FSTL5: variants seen among roughly 807,000 people sequenced by gnomAD.
The protein encoded by FSTL5 is follistatin-related protein 5.
In FSTL5, 62 loss-of-function variants were observed where a neutral mutation model predicts 89.1. The observed-to-expected ratio is 0.70, with a 90% CI of 0.57 to 0.86. The LOEUF is 0.86. Ranked by LOEUF, FSTL5 falls within the 40% of genes least tolerant of loss-of-function variation. The pLI is 0.00. For synonymous variants in FSTL5, 383 were observed against 346.2 expected (o/e 1.11, Z -1.18); for missense variants, 1,057 against 1,001.6 (o/e 1.06, Z -0.75).
At chr4:161,462,383 G>A (rs551691045) in intron 13 of FSTL5, among the ~76,000 whole-genome samples, 8 of 152,036 alleles carry the variant, frequency 5.3e-5, no homozygotes, top group East Asian at 1.9e-4. Flanking sequence ...GAAAACCAAC[G>A]GGCTCAAATA....
chr4:161,842,810 C>T (rs1731254034), intron 4 of FSTL5, among the ~76,000 whole-genome samples: 1 of 152,016 alleles, frequency 6.6e-6, no homozygotes, highest in African/African-American at 2.4e-5. Context: ...AAAACATCAA[C>T]ATATTTTATA....
chr4:162,003,593 A>G, intron 3 of FSTL5, among the ~76,000 whole-genome samples: 1 of 152,198 alleles, frequency 6.6e-6, no homozygotes, highest in Non-Finnish European at 1.5e-5. Context: ...TTAGTGTTTT[A>G]CTCACAACGA....
rs192539530 is a variant in FSTL5 at position 161,686,095 on chromosome 4, G to T, written c.728-29601C>A. Among the ~76,000 whole-genome samples, 894 of 151,404 alleles carry T rather than the reference G, an allele frequency of 5.9e-3. 11 individuals are homozygous for T. Among genetic ancestry groups the T allele is most frequent in the South Asian group, 0.046 (222 of 4,790 alleles). ...ATGTGAAACCATCCCTGTATCCCTT[G>T]TATGAAACCCACTTGATCATGATGG... is the stretch of plus-strand genomic sequence containing the variant. On this transcript the variant is annotated intron_variant, in intron 6 of 15. Transcript: ENST00000306100.
chr4:161,607,015 A>G lies in FSTL5; in HGVS notation c.895-19440T>C, dbSNP rs935866459. 1.3e-5 allele frequency among the ~76,000 whole-genome samples: 2 copies of G among 152,188 alleles called. 1 individual carries two copies. Among genetic ancestry groups the G allele is most frequent in the Admixed American group, 1.3e-4 (2 of 15,286 alleles). On this transcript the variant is annotated intron_variant, in intron 7 of 15. Transcript: ENST00000306100. ...AGGAGAGGCTGCAAGGGTGAAATGA[A>G]ATGATTTGAAGATTATTCAGAAATG...
chr4:161,912,067 G>C (rs141071690), intron 4 of FSTL5, among the ~76,000 whole-genome samples: 2 of 152,014 alleles, frequency 1.3e-5, no homozygotes, highest in Admixed American at 6.6e-5. Flanking sequence ...AATTTTCAAC[G>C]GCATTTTCTA....
intron 7 of FSTL5, among the ~76,000 whole-genome samples, chr4:161,614,577 A>C (rs373365617): frequency 4.6e-5 from 7 of 152,184 alleles, no homozygotes; most frequent in East Asian, 3.9e-4. Flanking sequence ...TTCAAAAATT[A>C]AATGACTTCA....
chr4:161,697,685 C>T (rs915437529), intron 6 of FSTL5, among the ~76,000 whole-genome samples: 1 of 152,054 alleles, frequency 6.6e-6, no homozygotes, highest in Non-Finnish European at 1.5e-5. Context: ...AGAATGAAAT[C>T]CTGTCATTCG....
chr4:161,523,099 T>A (rs991381319), intron 10 of FSTL5, among the ~76,000 whole-genome samples: 1 of 152,124 alleles, frequency 6.6e-6, no homozygotes, highest in Admixed American at 6.5e-5. Context: ...TTTATAAACG[T>A]CTCTAATAGA....
intron 3 of FSTL5, among the ~76,000 whole-genome samples, chr4:161,992,009 G>A (rs1380231041): frequency 1.3e-5 from 2 of 152,164 alleles, no homozygotes; most frequent in Non-Finnish European, 2.9e-5. Flanking sequence ...GGCCACCTGC[G>A]GTGTTCCTGT....
At chr4:161,425,432 T>C (rs987063896) in intron 15 of FSTL5, among the ~76,000 whole-genome samples, 1 of 152,184 alleles carries the variant, frequency 6.6e-6, no homozygotes, top group African/African-American at 2.4e-5. Flanking sequence ...TTATAGAGCC[T>C]AGGATTTATT....
rs200143242 is a variant in FSTL5 at position 161,579,739 on chromosome 4, AAAAAAGAAAG to A, written c.1015+7706_1015+7715del. 1.2e-3 allele frequency among the ~76,000 whole-genome samples: 130 copies of A among 104,900 alleles called. 1 individual carries two copies. Among genetic ancestry groups the A allele is most frequent in the African/African-American group, 3.3e-4 (11 of 33,186 alleles). The allele number at this position is 104,900 out of a possible 152,430, so 68.8% of individuals were successfully genotyped here. A position where few individuals can be genotyped will look rare whatever the true frequency, so the allele number is the denominator to read the frequency against. On this transcript the variant is annotated intron_variant, in intron 8 of 15. Coordinates refer to ENST00000306100, the MANE Select transcript of FSTL5 (RefSeq NM_020116.5). ...CAAAAAACAAAAACAAACAAAAAAAAAAAAAGAAAGAAAAAGAAAAAAAGAAAAAAAAATG... is the reference window on the plus strand; with the variant it reads ...CAAAAAACAAAAACAAACAAAAAAAAAAAAAGAAAAAAAGAAAAAAAAATG...
At chr4:161,696,509 G>A (rs542203485) in intron 6 of FSTL5, among the ~76,000 whole-genome samples, 3 of 152,184 alleles carry the variant, frequency 2.0e-5, no homozygotes, top group African/African-American at 7.2e-5. Flanking sequence ...ATTTTGATGG[G>A]AATTGCATTA....
intron 8 of FSTL5, among the ~76,000 whole-genome samples, chr4:161,564,445 T>G (rs1732728465): frequency 6.6e-6 from 1 of 150,910 alleles, no homozygotes; most frequent in Non-Finnish European, 1.5e-5. Context: ...TACCATATGT[T>G]TTGCTAAAAT....
Position 161,385,539 on chromosome 4 carries a change from T to G in FSTL5, c.*208A>C, listed in dbSNP as rs1022512254. The G allele has an allele frequency of 2.1e-6, 1 of 482,966 alleles. No individual in the cohort carries two copies. The highest frequency in any genetic ancestry group is 3.2e-5 in the East Asian group (1 of 31,150). The allele number at this position is 482,966 out of a possible 1,614,324, so 29.9% of individuals were successfully genotyped here. The stretch of plus-strand genomic sequence containing the variant: ...GTGACTGATGTGATTTCTCATTAAA[T>G]ATTGTGCTGAGTATTTCTAATTAAC... On this transcript the variant is annotated 3_prime_UTR_variant, in exon 16 of 16. Coordinates refer to ENST00000306100, the MANE Select transcript of FSTL5 (RefSeq NM_020116.5).
At chr4:161,820,563 C>T (rs1488350768) in intron 4 of FSTL5, among the ~76,000 whole-genome samples, 2 of 152,022 alleles carry the variant, frequency 1.3e-5, no homozygotes, top group Non-Finnish European at 2.9e-5. Flanking sequence ...TAGTAGGGTA[C>T]GGTCAAATCA....
intron 15 of FSTL5, among the ~76,000 whole-genome samples, chr4:161,449,325 C>T (rs1045253490): frequency 5.3e-5 from 8 of 152,278 alleles, no homozygotes; most frequent in Admixed American, 2.6e-4. Flanking sequence ...CTAACTGCTG[C>T]ATTTTCCTCT....
chr4:162,143,785 T>TACAC (rs70946245), intron 1 of FSTL5, among the ~76,000 whole-genome samples: 1,914 of 138,614 alleles, frequency 0.014, 21 homozygotes, highest in African/African-American at 0.033. Flanking sequence ...TGACTTTAAA[T>TACAC]ACACACACAC....
At chr4:161,782,338 G>GT (rs1354347601) in intron 4 of FSTL5, among the ~76,000 whole-genome samples, 1 of 152,082 alleles carries the variant, frequency 6.6e-6, no homozygotes, top group African/African-American at 2.4e-5. Context: ...CAAAGTGGCC[G>GT]TACCATTTTG....
At chr4:161,635,386 T>G (rs905442495) in intron 7 of FSTL5, among the ~76,000 whole-genome samples, 13 of 152,090 alleles carry the variant, frequency 8.5e-5, no homozygotes, top group African/African-American at 3.1e-4. Context: ...AGACTCTGTC[T>G]CAAAACAAAC....
Sources: allele counts gnomAD v4.1 joint callset (sites outside exome capture counted in the v4.1 genomes callset), GRCh38; gene constraint gnomAD v4.1.1; transcripts MANE v1.5; gene names NCBI Gene and HGNC (gene_info 2026-07-23, HGNC 2026-07-21).